The following UTP20 variants were observed in gnomAD, a reference collection of about 807,000 sequenced individuals.
UTP20 encodes the protein small subunit processome component 20 homolog.
Under a neutral mutation model 329.5 loss-of-function variants are expected in UTP20, and 164 were observed. The ratio of observed to expected loss-of-function variants is 0.50; its 90% CI spans 0.44 to 0.57. The LOEUF is 0.57. Ranked by LOEUF, UTP20 falls within the 20% of genes least tolerant of loss-of-function variation. The pLI is 0.00. For synonymous variants in UTP20, 1,151 were observed against 1,159.3 expected (o/e 0.99, Z 0.14); for missense variants, 3,055 against 3,284.2 (o/e 0.93, Z 1.71).
intron 43 of UTP20, among the ~76,000 whole-genome samples, chr12:101,360,641 AT>A: frequency 6.6e-6 from 1 of 152,252 alleles, no homozygotes; most frequent in South Asian, 2.1e-4. Context: ...CCTGGCCAAC[AT>A]GCTGAAACCC....
chr12:101,370,634 C>T, intron 50 of UTP20, 71 bp downstream of exon 50: 1 of 1,501,460 alleles, frequency 6.7e-7, no homozygotes, highest in South Asian at 1.3e-5. Context: ...ACACATAGAT[C>T]ATAGTGTTTT....
intron 12 of UTP20, among the ~76,000 whole-genome samples, chr12:101,298,256 C>T (rs982918069): frequency 2.6e-5 from 4 of 151,954 alleles, no homozygotes; most frequent in Admixed American, 2.0e-4. Flanking sequence ...AGCAAATAAG[C>T]GAGATGATTT....
intron 38 of UTP20, among the ~76,000 whole-genome samples, chr12:101,351,406 T>C (rs1430046707): frequency 6.6e-6 from 1 of 152,222 alleles, no homozygotes; most frequent in South Asian, 2.1e-4. Context: ...ATTACAGGCG[T>C]GTGCCACCGC....
rs1871742622 is a variant in UTP20 at position 101,280,130 on chromosome 12, A to G, written c.-153A>G. On this transcript the variant is annotated 5_prime_UTR_variant, in exon 1 of 62. An upstream start codon of the reference 5' UTR is lost. Transcript: ENST00000261637. Reference sequence around the variant, plus strand: ...ACTCAGGCTCCTCCTTGTCTCCAACATGGCGGCGCCCAGGGGCTCAAGCCG... The same window carrying G: ...ACTCAGGCTCCTCCTTGTCTCCAACGTGGCGGCGCCCAGGGGCTCAAGCCG... The G allele has an allele frequency of 3.1e-6, 3 of 968,678 alleles. No homozygotes were observed. The highest frequency in any genetic ancestry group is 4.5e-6 in the Non-Finnish European group (3 of 661,394). The allele number at this position is 968,678 out of a possible 1,614,324, so 60.0% of individuals were successfully genotyped here. A position where few individuals can be genotyped will look rare whatever the true frequency, so the allele number is the denominator to read the frequency against.
rs370584675 is a variant in UTP20, at chr12:101,343,063, A to T, written c.4419A>T (p.Pro1473=). 26 of 1,609,926 alleles carry T rather than the reference A, an allele frequency of 1.6e-5. No individual in the cohort carries two copies. Among genetic ancestry groups the T allele is most frequent in the Non-Finnish European group, 2.0e-5 (23 of 1,177,478 alleles). The change falls in exon 35 of 62, where the codon CCA becomes CCT. Residue 1473 remains proline, a synonymous_variant. Transcript: ENST00000261637. ...MQIVDVNYLI[P]VMHNCFYNLE... is the part of the protein sequence containing the mutation. ...TTGTGGATGTTAACTACCTAATTCC[A>T]GTTATGCATAATTGTTTCTATAATC...
chr12:101,365,347 GAGAAAGCCAAACGTATATT>G, intron 45 of UTP20, 93 bp from the exon 46 acceptor site: 1 of 723,832 alleles, frequency 1.4e-6, no homozygotes, highest in Non-Finnish European at 2.2e-6. Context: ...TTTTAATTAG[GAGAAAGCCAAACGTATATT>G]AGAAAGCTAA....
At chr12:101,327,611 T>TCATTCCCTGAGTCATTCATC (rs1473583058) in intron 26 of UTP20, among the ~76,000 whole-genome samples, 2 of 152,244 alleles carry the variant, frequency 1.3e-5, no homozygotes, top group African/African-American at 4.8e-5. Flanking sequence ...TGGCATTTAT[T>TCATTCCCTGAGTCATTCATC]CATTCCCTGA....
intron 57 of UTP20, among the ~76,000 whole-genome samples, chr12:101,380,093 C>A (rs763308354): frequency 3.9e-4 from 59 of 152,104 alleles, no homozygotes; most frequent in Non-Finnish European, 7.1e-4. Context: ...ATGTCAGGGT[C>A]CAGGCCAGGC....
At chr12:101,314,650 T>A (rs1228737238) in intron 21 of UTP20, among the ~76,000 whole-genome samples, 2 of 141,902 alleles carry the variant, frequency 1.4e-5, no homozygotes, top group Non-Finnish European at 3.0e-5. Context: ...AGAGCGAGAC[T>A]CTGTCTCAAA....
intron 56 of UTP20, among the ~76,000 whole-genome samples, chr12:101,379,030 T>C (rs1208494382): frequency 1.3e-5 from 2 of 152,216 alleles, no homozygotes; most frequent in African/African-American, 4.8e-5. Flanking sequence ...CCAATTGGGG[T>C]AATGAGAATA....
Position 101,379,421 on chromosome 12 carries a change from G to A in UTP20, c.7447G>A (p.Ala2483Thr). ...TCCACACAACTGGGTGTGGCTCACA[G>A]CAGCCCAGATTTTTGGATTACTCTT... ...RHPHNWVWLTAAQIFGLLFAS... is the reference protein window; with the variant it reads ...RHPHNWVWLTTAQIFGLLFAS... Residue 2483 changes from alanine to threonine, a missense_variant, in exon 57 of 62, where the codon GCA (alanine) becomes ACA (threonine). This residue lies in a region of UTP20 where 273 missense variants were observed against 363.1 expected (regional missense o/e 0.75). Transcript: ENST00000261637. 3 of 1,614,024 alleles carry A rather than the reference G, an allele frequency of 1.9e-6. No individual in the cohort carries two copies. Among genetic ancestry groups the A allele is most frequent in the Non-Finnish European group, 2.5e-6 (3 of 1,179,942 alleles).
At chr12:101,282,807 T>C (rs777895252) in intron 2 of UTP20, among the ~76,000 whole-genome samples, 3 of 152,204 alleles carry the variant, frequency 2.0e-5, no homozygotes, top group Non-Finnish European at 4.4e-5. Context: ...TTGACTGTTA[T>C]CTAAGTAAGA....
chr12:101,384,884 C>T (rs1158057166), intron 60 of UTP20, among the ~76,000 whole-genome samples: 1 of 152,118 alleles, frequency 6.6e-6, no homozygotes, highest in Non-Finnish European at 1.5e-5. Context: ...TGGTTCAACC[C>T]AGTCAACATT....
At position 101,354,922 on chromosome 12, in the gene UTP20, T is replaced by A. The variant is rs1346558162; in HGVS notation, c.5198T>A (p.Leu1733Ter). The A allele has an allele frequency of 1.2e-6, 2 of 1,614,168 alleles. No homozygotes were observed. Among genetic ancestry groups the A allele is most frequent in the Non-Finnish European group, 1.7e-6 (2 of 1,180,018 alleles). ...EEEKEYTCKSLSDNGQPGTPD... is the reference protein window; with the variant it reads ...EEEKEYTCKS ...GAGAAGGAATATACATGCAAGAGTT[T>A]GTCAGACAACGGACAACCGGGAACC... Residue 1733 changes from leucine to a stop codon, truncating the protein, a stop_gained, in exon 41 of 62, where the codon TTG becomes TAG. Coordinates refer to ENST00000261637, the MANE Select transcript of UTP20 (RefSeq NM_014503.3). LOFTEE classifies it high-confidence loss of function.
chr12:101,333,009 A>G (rs1373527412), intron 27 of UTP20, among the ~76,000 whole-genome samples: 4 of 152,260 alleles, frequency 2.6e-5, no homozygotes, highest in African/African-American at 9.6e-5. Flanking sequence ...ATGAAAAAGT[A>G]AAACAATACA....
At chr12:101,312,506 A>G (rs1216814044) in intron 21 of UTP20, among the ~76,000 whole-genome samples, 1 of 152,136 alleles carries the variant, frequency 6.6e-6, no homozygotes, top group East Asian at 1.9e-4. Flanking sequence ...CAGTGGTGCG[A>G]TCTCGGCTCA....
At chr12:101,315,684 G>A (rs1256236357) in intron 21 of UTP20, among the ~76,000 whole-genome samples, 1 of 152,150 alleles carries the variant, frequency 6.6e-6, no homozygotes, top group East Asian at 1.9e-4. Flanking sequence ...GAATAAGAAT[G>A]ATGTTTAGCT....
Position 101,363,739 on chromosome 12 carries a change from A to G in UTP20, c.5954A>G (p.Lys1985Arg), listed in dbSNP as rs142320995. 8.4e-4 allele frequency: 1,335 copies of G among 1,595,098 alleles called. No homozygotes were observed. The highest frequency in any genetic ancestry group is 1.1e-3 in the Non-Finnish European group (1,293 of 1,162,968). The change falls in exon 45 of 62, where the codon AAA becomes AGA. Residue 1985 changes from lysine to arginine, a missense_variant. Transcript: ENST00000261637. Reference protein sequence around the residue: ...DQVTKLILPLKEILQNTTSLK... With the variant: ...DQVTKLILPLREILQNTTSLK... ...GTTACAAAACTCATCCTTCCATTAA[A>G]AGAGGTAAGGACGTAAATGCAATTC...
Position 101,292,013 on chromosome 12 carries a change from G to C in UTP20, c.1082G>C (p.Cys361Ser). ...CAAGTAGCCAGTCTCTCCACATCTT[G>C]CTGGGAGACCCTCTTGGATGTAATT... Reference protein sequence around the residue: ...TLQVASLSTSCWETLLDVISA... With the variant: ...TLQVASLSTSSWETLLDVISA... The change falls in exon 10 of 62, where the codon TGC (cysteine) becomes TCC (serine). Residue 361 changes from cysteine to serine, a missense_variant. Coordinates refer to ENST00000261637, the MANE Select transcript of UTP20 (RefSeq NM_014503.3). The C allele has an allele frequency of 1.2e-6, 2 of 1,614,110 alleles. No individual in the cohort carries two copies. Among genetic ancestry groups the C allele is most frequent in the Non-Finnish European group, 1.7e-6 (2 of 1,180,012 alleles).
Sources: gnomAD v4.1 joint callset for allele counts (sites outside exome capture counted in the v4.1 genomes callset) on GRCh38, gnomAD v4.1.1 for gene constraint, gnomAD v4.1.1 regional missense constraint, MANE v1.5 for transcripts, NCBI Gene and HGNC (gene_info 2026-07-23, HGNC 2026-07-21) for gene names.